RABGAP1L: variants seen among roughly 807,000 people sequenced by gnomAD.
The protein encoded by RABGAP1L is rab GTPase-activating protein 1-like.
A neutral mutation model predicts 137.7 loss-of-function variants in RABGAP1L; 63 were observed. The ratio of observed to expected loss-of-function variants is 0.46; its 90% confidence interval spans 0.37 to 0.56. The LOEUF (loss-of-function observed/expected upper bound fraction) is 0.56, where lower values mean the gene tolerates loss of function less well. Among genes scored for constraint, RABGAP1L ranks in the 20% least tolerant of loss-of-function variants. The pLI is 0.00. For synonymous variants in RABGAP1L, 431 were observed against 433.7 expected, an observed-to-expected ratio of 0.99 and a Z score of 0.08; for missense variants, 1,095 against 1,244.0, an observed-to-expected ratio of 0.88 and a Z score of 1.80.
At position 174,991,490 on chromosome 1, in the gene RABGAP1L, G is replaced by A. The variant is rs1672052404; in HGVS notation, c.*1489G>A. 1.3e-5 allele frequency: 2 copies of A among 152,156 alleles called. No homozygotes were observed. The highest frequency in any genetic ancestry group is 2.9e-5 in the Non-Finnish European group (2 of 68,028). 9.4% of individuals were successfully genotyped at this position (152,156 alleles called of 1,614,324 possible). A position where few individuals can be genotyped will look rare whatever the true frequency, so the allele number is the denominator to read the frequency against. On this transcript the variant is annotated 3_prime_UTR_variant, in exon 26 of 26. Transcript: ENST00000681986. ...ATAAGAGCCATCTACATCCCAGGAG[G>A]ATGCACCAAGTTGCTCACAGTGGAT...
chr1:174,377,445 T>C (rs1402030678), intron 12 of RABGAP1L, among the ~76,000 whole-genome samples: 1 of 152,198 alleles, frequency 6.6e-6, no homozygotes, highest in Non-Finnish European at 1.5e-5. Flanking sequence ...ACCTGATTTC[T>C]AGGTTTACTG....
intron 13 of RABGAP1L, among the ~76,000 whole-genome samples, chr1:174,525,185 C>T (rs1663767254): frequency 6.6e-6 from 1 of 151,980 alleles, no homozygotes; most frequent in Admixed American, 6.6e-5. Context: ...TGAAAAATTA[C>T]ATTGTAATTT....
chr1:174,452,544 T>C (rs924935795), intron 13 of RABGAP1L, among the ~76,000 whole-genome samples: 2 of 142,534 alleles, frequency 1.4e-5, no homozygotes, highest in Non-Finnish European at 3.0e-5. Flanking sequence ...TGGTAGCTGC[T>C]GTTTTTGTTT....
intron 19 of RABGAP1L, among the ~76,000 whole-genome samples, chr1:174,880,530 T>C (rs1184776202): frequency 6.6e-6 from 1 of 152,060 alleles, no homozygotes; most frequent in Admixed American, 6.6e-5. Flanking sequence ...AATTCTCTTT[T>C]TTTTTCTTTT....
At chr1:174,749,861 T>C (rs1684201611) in intron 17 of RABGAP1L, among the ~76,000 whole-genome samples, 1 of 152,066 alleles carries the variant, frequency 6.6e-6, no homozygotes, top group Non-Finnish European at 1.5e-5. Context: ...TTTCAAAATA[T>C]GTTCAAGGAA....
chr1:174,972,570 C>T (rs1670228606), intron 21 of RABGAP1L, among the ~76,000 whole-genome samples: 1 of 152,136 alleles, frequency 6.6e-6, no homozygotes. Flanking sequence ...ATGGTGAAGG[C>T]TGTCTGGTGC....
At chr1:174,615,098 CT>C (rs548979312) in intron 13 of RABGAP1L, among the ~76,000 whole-genome samples, 25 of 152,218 alleles carry the variant, frequency 1.6e-4, no homozygotes, top group Non-Finnish European at 3.5e-4. Context: ...ATTCTCCATC[CT>C]GCTTTGTTTC....
chr1:174,338,621 G>A (rs888806450), intron 11 of RABGAP1L, among the ~76,000 whole-genome samples: 1 of 151,254 alleles, frequency 6.6e-6, no homozygotes, highest in South Asian at 2.1e-4. Context: ...ATGTGGGAAT[G>A]ATTTCTATTA....
At chr1:174,987,614 G>A (rs1259544128) in intron 24 of RABGAP1L, among the ~76,000 whole-genome samples, 1 of 152,202 alleles carries the variant, frequency 6.6e-6, no homozygotes, top group Non-Finnish European at 1.5e-5. Flanking sequence ...GTGAAGAGAG[G>A]AGGATGGGCA....
intron 13 of RABGAP1L, among the ~76,000 whole-genome samples, chr1:174,600,461 A>AC (rs1242462244): frequency 6.6e-6 from 1 of 152,206 alleles, no homozygotes; most frequent in Non-Finnish European, 1.5e-5. Context: ...AGTGCCTTCC[A>AC]CCTATGAGTC....
chr1:174,383,080 G>T (rs1053446692), intron 12 of RABGAP1L, among the ~76,000 whole-genome samples: 3 of 151,092 alleles, frequency 2.0e-5, no homozygotes, highest in African/African-American at 4.9e-5. Context: ...CTGCTGGGGG[G>T]TGCCTCCCAG....
At chr1:174,240,958 G>A (rs1006204066) in intron 4 of RABGAP1L, among the ~76,000 whole-genome samples, 3 of 146,038 alleles carry the variant, frequency 2.1e-5, no homozygotes, top group Non-Finnish European at 4.5e-5. Flanking sequence ...GTGTGTGTGT[G>A]TTGTGAATAT....
rs192630700 is a variant in RABGAP1L, at chr1:174,478,273, G to A, written c.1710+84128G>A. Among the ~76,000 whole-genome samples the A allele has an allele frequency of 7.3e-5, 11 of 150,778 alleles. No homozygotes were observed. The East Asian group carries it at 2.2e-3, about 30-fold the overall frequency. ...TGTTGTTGTTATTTGTTTTTCGGAGGTGTGTGTGTGTGGTTGAGACAGGAT... is the reference window on the plus strand; with the variant it reads ...TGTTGTTGTTATTTGTTTTTCGGAGATGTGTGTGTGTGGTTGAGACAGGAT... On this transcript the variant is annotated intron_variant, in intron 13 of 25. Coordinates refer to ENST00000681986, the MANE Select transcript of RABGAP1L (RefSeq NM_001366446.1).
intron 3 of RABGAP1L, among the ~76,000 whole-genome samples, chr1:174,227,241 C>G (rs1455473553): frequency 6.8e-6 from 1 of 146,726 alleles, no homozygotes. Context: ...ACTCTTGTTG[C>G]CTAGGCTGGA....
intron 19 of RABGAP1L, among the ~76,000 whole-genome samples, chr1:174,871,740 A>G (rs903600850): frequency 2.0e-5 from 3 of 152,206 alleles, no homozygotes; most frequent in African/African-American, 7.2e-5. Context: ...AATGTTTTAA[A>G]TAATTATTTG....
chr1:174,819,924 G>A (rs1402342164), intron 19 of RABGAP1L, among the ~76,000 whole-genome samples: 1 of 152,082 alleles, frequency 6.6e-6, no homozygotes, highest in African/African-American at 2.4e-5. Flanking sequence ...AGGGAAGGAT[G>A]GGGAAAATGG....
intron 20 of RABGAP1L, 118 bp downstream of exon 20, chr1:174,957,667 C>G (rs961846462): frequency 1.0e-6 from 1 of 981,242 alleles, no homozygotes; most frequent in African/African-American, 1.6e-5. Flanking sequence ...TCCTCCCACT[C>G]CAGTCTCCCA....
chr1:174,385,304 T>TTTTGGCTTGAGCTACTAGAAGAC (rs1686667143), intron 12 of RABGAP1L, among the ~76,000 whole-genome samples: 1 of 152,146 alleles, frequency 6.6e-6, no homozygotes, highest in African/African-American at 2.4e-5. Context: ...ATGTCAGAGT[T>TTTTGGCTTGAGCTACTAGAAGAC]TTTGGCTTGA....
intron 13 of RABGAP1L, among the ~76,000 whole-genome samples, chr1:174,438,871 A>C (rs1558235118): frequency 6.7e-6 from 1 of 148,838 alleles, no homozygotes; most frequent in African/African-American, 2.5e-5. Flanking sequence ...GGCTACTTTA[A>C]ATGATTTATT....
Sources: allele counts gnomAD v4.1 joint callset (sites outside exome capture counted in the v4.1 genomes callset), GRCh38; gene constraint gnomAD v4.1.1; transcripts MANE v1.5; gene names NCBI Gene and HGNC (gene_info 2026-07-23, HGNC 2026-07-21).